The following PCED1B variants were observed in gnomAD, a reference collection of about 807,000 sequenced individuals.
PCED1B encodes the protein PC-esterase domain-containing protein 1B.
For missense variants in PCED1B, 573 were observed against 573.9 expected, an observed-to-expected ratio of 1.00 and a Z score of 0.02; for synonymous variants, 251 against 246.1, an observed-to-expected ratio of 1.02 and a Z score of -0.19.
intron 2 of PCED1B, among the ~76,000 whole-genome samples, chr12:47,175,464 A>G (rs1194995227): frequency 1.3e-5 from 2 of 152,212 alleles, no homozygotes; most frequent in Non-Finnish European, 2.9e-5. Context: ...AGAATGTTGT[A>G]ACAATTTCTA....
At chr12:47,179,963 G>T (rs1167649867) in intron 2 of PCED1B, among the ~76,000 whole-genome samples, 4 of 152,032 alleles carry the variant, frequency 2.6e-5, no homozygotes, top group African/African-American at 4.8e-5. Context: ...TTAAGTTCCA[G>T]GGTACATGTG....
intron 2 of PCED1B, among the ~76,000 whole-genome samples, chr12:47,127,736 T>C (rs571589521): frequency 6.6e-6 from 1 of 152,296 alleles, no homozygotes; most frequent in East Asian, 1.9e-4. Context: ...TTCTTTAACA[T>C]TTATTTAGAT....
chr12:47,220,068 C>CAAAAAAAAAAAAAAA (rs763940625), intron 3 of PCED1B, among the ~76,000 whole-genome samples: 1 of 103,736 alleles, frequency 9.6e-6, no homozygotes, highest in African/African-American at 3.2e-5. Flanking sequence ...GACACTGCCT[C>CAAAAAAAAAAAAAAA]AAAAAAAAAA....
At chr12:47,139,023 C>T (rs1404813) in intron 2 of PCED1B, among the ~76,000 whole-genome samples, 86,778 of 152,010 alleles carry the variant, frequency 0.57, 25,577 homozygotes, top group Admixed American at 0.64. Context: ...TATTTATTTG[C>T]TTATTATCTG....
intron 2 of PCED1B, among the ~76,000 whole-genome samples, chr12:47,172,340 C>CTTTTTTTTTTTTTTTTTTTTTTTG (rs34230051): frequency 1.3e-5 from 1 of 78,338 alleles, no homozygotes; most frequent in Non-Finnish European, 2.4e-5. Context: ...TCGTGGGTTG[C>CTTTTTTTTTTTTTTTTTTTTTTTG]TTTTTTTTTT....
chr12:47,099,780 C>A (rs854900), intron 1 of PCED1B, among the ~76,000 whole-genome samples: 1 of 152,204 alleles, frequency 6.6e-6, no homozygotes, highest in Non-Finnish European at 1.5e-5. Context: ...TAAAGTGTTG[C>A]TTAAAGAAGC....
chr12:47,107,699 A>G (rs114485281), intron 2 of PCED1B, among the ~76,000 whole-genome samples: 2,015 of 152,252 alleles, frequency 0.013, 52 homozygotes, highest in African/African-American at 0.047. Flanking sequence ...GGGATGAGAG[A>G]ATGCCAGCTG....
At chr12:47,171,844 G>T (rs1161676793) in intron 2 of PCED1B, among the ~76,000 whole-genome samples, 1 of 150,182 alleles carries the variant, frequency 6.7e-6, no homozygotes, top group African/African-American at 2.5e-5. Flanking sequence ...TTCTGCTGCT[G>T]CTTCTTTCTT....
intron 3 of PCED1B, among the ~76,000 whole-genome samples, chr12:47,234,435 C>T (rs540840559): frequency 2.0e-5 from 3 of 152,316 alleles, no homozygotes; most frequent in Admixed American, 2.0e-4. Context: ...AACCATAATC[C>T]TATTCTATGA....
intron 3 of PCED1B, among the ~76,000 whole-genome samples, chr12:47,217,523 G>GAAAGAAAGAA: frequency 8.6e-6 from 1 of 115,656 alleles, no homozygotes; most frequent in Non-Finnish European, 1.7e-5. Flanking sequence ...AAAGAAGAAA[G>GAAAGAAAGAA]AGAAAGAGAG....
At position 47,217,467 on chromosome 12, in the gene PCED1B, A is replaced by G. The variant is rs1943307191; in HGVS notation, c.-58+778A>G. Among the ~76,000 whole-genome samples the G allele has an allele frequency of 2.8e-5, 2 of 72,542 alleles. 1 individual carries two copies. The highest frequency in any genetic ancestry group is 8.9e-4 in the South Asian group (2 of 2,238). 47.6% of individuals were successfully genotyped at this position (72,542 alleles called of 152,430 possible). On this transcript the variant is annotated intron_variant, in intron 3 of 3. Coordinates refer to ENST00000546455, the MANE Select transcript of PCED1B (RefSeq NM_138371.3). ...AAGAAAGAAAGAAAGAAAAAGAAAG[A>G]AAGAGAAAGAAAGAAAGAAAGAAAG...
chr12:47,103,040 T>A (rs1443826771), intron 1 of PCED1B, among the ~76,000 whole-genome samples: 2 of 152,118 alleles, frequency 1.3e-5, no homozygotes, highest in South Asian at 4.1e-4. Flanking sequence ...CAGATAAAGT[T>A]TGACACATAC....
chr12:47,170,634 T>C (rs1237782204), intron 2 of PCED1B, among the ~76,000 whole-genome samples: 1 of 152,240 alleles, frequency 6.6e-6, no homozygotes, highest in Non-Finnish European at 1.5e-5. Flanking sequence ...TGATATCTCT[T>C]TGTCCATTTC....
intron 1 of PCED1B, among the ~76,000 whole-genome samples, chr12:47,080,309 C>A (rs1046880997): frequency 1.3e-5 from 2 of 152,304 alleles, no homozygotes; most frequent in Admixed American, 6.5e-5. Flanking sequence ...CCCTTGGAGA[C>A]CCACTTCGCG....
chr12:47,172,340 C>CTTTTTTTTTTTTTTTTTTT (rs34230051), intron 2 of PCED1B, among the ~76,000 whole-genome samples: 1 of 78,334 alleles, frequency 1.3e-5, no homozygotes, highest in Non-Finnish European at 2.4e-5. Context: ...TCGTGGGTTG[C>CTTTTTTTTTTTTTTTTTTT]TTTTTTTTTT....
chr12:47,132,898 A>G (rs545954259), intron 2 of PCED1B, among the ~76,000 whole-genome samples: 21 of 152,366 alleles, frequency 1.4e-4, no homozygotes, highest in South Asian at 6.2e-4. Context: ...GTTAAAGATT[A>G]TCATTCAAAA....
chr12:47,146,188 C>G (rs921266565), intron 2 of PCED1B, among the ~76,000 whole-genome samples: 1 of 152,088 alleles, frequency 6.6e-6, no homozygotes, highest in African/African-American at 2.4e-5. Context: ...GAAATAGAAG[C>G]GGAGACTGAA....
At chr12:47,158,390 A>T (rs1304262761) in intron 2 of PCED1B, among the ~76,000 whole-genome samples, 1 of 152,152 alleles carries the variant, frequency 6.6e-6, no homozygotes, top group African/African-American at 2.4e-5. Context: ...TTCGATTTGC[A>T]TCTCCCTGAT....
chr12:47,228,728 C>T (rs1447603736), intron 3 of PCED1B, among the ~76,000 whole-genome samples: 1 of 151,760 alleles, frequency 6.6e-6, no homozygotes, highest in Non-Finnish European at 1.5e-5. Context: ...CAAAAATTAG[C>T]CGGGCATGGT....
Sources: gnomAD v4.1 joint callset for allele counts (sites outside exome capture counted in the v4.1 genomes callset) on GRCh38, gnomAD v4.1.1 for gene constraint, MANE v1.5 for transcripts, NCBI Gene and HGNC (gene_info 2026-07-23, HGNC 2026-07-21) for gene names.